Variants in NRXN1 observed in about 807,000 individuals in gnomAD.
NRXN1 encodes the protein neurexin-1.
In NRXN1, 39 loss-of-function variants were observed where a neutral mutation model predicts 150.9. The ratio of observed to expected loss-of-function variants is 0.26; its 90% CI spans 0.20 to 0.34. The LOEUF is 0.34. Among genes scored for constraint, NRXN1 ranks in the 10% least tolerant of loss-of-function variants. NRXN1 has a pLI of 1.00. For missense variants in NRXN1, 1,815 were observed against 1,949.9 expected, an observed-to-expected ratio of 0.93 and a Z score of 1.30; for synonymous variants, 924 against 757.0, an observed-to-expected ratio of 1.22 and a Z score of -3.62.
intron 17 of NRXN1, among the ~76,000 whole-genome samples, chr2:50,303,609 G>C (rs1022525680): frequency 6.6e-6 from 1 of 152,006 alleles, no homozygotes; most frequent in African/African-American, 2.4e-5. Flanking sequence ...AATATTCTCT[G>C]TAAACCTTTC....
At chr2:50,277,340 A>C (rs2070640491) in intron 17 of NRXN1, among the ~76,000 whole-genome samples, 1 of 102,690 alleles carries the variant, frequency 9.7e-6, no homozygotes, top group Non-Finnish European at 2.2e-5. Context: ...TAACAATGTG[A>C]GCAGTTGACA....
chr2:50,292,287 C>G (rs868601299), intron 17 of NRXN1, among the ~76,000 whole-genome samples: 1 of 152,158 alleles, frequency 6.6e-6, no homozygotes, highest in Non-Finnish European at 1.5e-5. Context: ...CACACCCATT[C>G]ATTTAAATAT....
At chr2:50,086,849 A>C (rs961282387) in intron 19 of NRXN1, among the ~76,000 whole-genome samples, 3 of 141,040 alleles carry the variant, frequency 2.1e-5, no homozygotes, top group South Asian at 2.2e-4. Flanking sequence ...AGAGAGAGAG[A>C]GCGAGCCGAA....
intron 5 of NRXN1, chr2:50,656,223 T>C: frequency 3.6e-6 from 2 of 554,196 alleles, no homozygotes; most frequent in Non-Finnish European, 6.6e-6. Flanking sequence ...CAAAGTGATC[T>C]TTTTTAAACT....
At chr2:50,382,612 G>C (rs1490898807) in intron 17 of NRXN1, among the ~76,000 whole-genome samples, 3 of 152,124 alleles carry the variant, frequency 2.0e-5, no homozygotes, top group African/African-American at 4.8e-5. Context: ...CCTATGGCCA[G>C]GAAGCTTCTC....
chr2:50,183,758 G>A (rs933942066), intron 18 of NRXN1, among the ~76,000 whole-genome samples: 9 of 150,950 alleles, frequency 6.0e-5, no homozygotes, highest in African/African-American at 2.2e-4. Flanking sequence ...GGATTATTTG[G>A]CTCAACATGT....
intron 17 of NRXN1, among the ~76,000 whole-genome samples, chr2:50,432,903 C>G (rs2085094094): frequency 6.6e-6 from 1 of 152,152 alleles, no homozygotes. Flanking sequence ...TTTGTTTATA[C>G]AGTGAAGGCT....
At chr2:50,461,530 A>G (rs1203608962) in intron 17 of NRXN1, among the ~76,000 whole-genome samples, 1 of 152,014 alleles carries the variant, frequency 6.6e-6, no homozygotes, top group Non-Finnish European at 1.5e-5. Context: ...ACTGGGTAAA[A>G]GGAGAAAAGG....
chr2:50,948,783 G>T (rs993728093), intron 2 of NRXN1, among the ~76,000 whole-genome samples: 1 of 151,984 alleles, frequency 6.6e-6, no homozygotes, highest in Non-Finnish European at 1.5e-5. Flanking sequence ...ATACCACACT[G>T]CATAGAGCTT....
At chr2:50,862,308 A>G (rs1023863131) in intron 5 of NRXN1, among the ~76,000 whole-genome samples, 2 of 152,084 alleles carry the variant, frequency 1.3e-5, no homozygotes, top group African/African-American at 4.8e-5. Flanking sequence ...CAGTGGTATC[A>G]TAAATTTATT....
intron 5 of NRXN1, among the ~76,000 whole-genome samples, chr2:50,803,265 G>A (rs1707865356): frequency 6.6e-6 from 1 of 152,094 alleles, no homozygotes; most frequent in African/African-American, 2.4e-5. Context: ...TGAAGAAATT[G>A]TCTATGATGA....
chr2:50,705,573 G>A (rs1026542659), intron 5 of NRXN1, among the ~76,000 whole-genome samples: 1 of 152,094 alleles, frequency 6.6e-6, no homozygotes, highest in South Asian at 2.1e-4. Flanking sequence ...TTAGATTACT[G>A]GATAATCTCC....
intron 21 of NRXN1, among the ~76,000 whole-genome samples, chr2:50,041,691 A>G (rs952770709): frequency 6.6e-6 from 1 of 152,238 alleles, no homozygotes; most frequent in Non-Finnish European, 1.5e-5. Flanking sequence ...TCCTGTAGAG[A>G]ATTTAAAAAC....
intron 17 of NRXN1, among the ~76,000 whole-genome samples, chr2:50,312,473 T>G (rs928775064): frequency 3.3e-5 from 5 of 151,992 alleles, no homozygotes; most frequent in African/African-American, 1.2e-4. Context: ...TTACACATGT[T>G]CATAGAACCA....
At chr2:50,411,526 T>TGGGGAGTGCCTCTGCCCCACCGCCCC (rs1558684964) in intron 17 of NRXN1, among the ~76,000 whole-genome samples, 4 of 145,788 alleles carry the variant, frequency 2.7e-5, no homozygotes, top group African/African-American at 1.0e-4. Context: ...CCCACCGCCC[T>TGGGGAGTGCCTCTGCCCCACCGCCCC]GTCTGAGATG....
chr2:50,901,551 G>C (rs183300817), intron 5 of NRXN1, among the ~76,000 whole-genome samples: 2 of 152,138 alleles, frequency 1.3e-5, no homozygotes, highest in South Asian at 2.1e-4. Context: ...AAAAAAGAAA[G>C]AAAATAAAGA....
chr2:49,977,498 G>A (rs755592149), intron 21 of NRXN1, among the ~76,000 whole-genome samples: 32 of 152,224 alleles, frequency 2.1e-4, no homozygotes, highest in African/African-American at 7.0e-4. Flanking sequence ...CCTTCTTTCC[G>A]AAAGATTAAA....
intron 5 of NRXN1, among the ~76,000 whole-genome samples, chr2:50,714,037 G>A (rs1695545256): frequency 6.6e-6 from 1 of 152,072 alleles, no homozygotes; most frequent in Non-Finnish European, 1.5e-5. Context: ...CAATAAATAG[G>A]TATTAGGCTT....
At chr2:50,658,553 A>C (rs1686839263) in intron 5 of NRXN1, among the ~76,000 whole-genome samples, 1 of 151,442 alleles carries the variant, frequency 6.6e-6, no homozygotes, top group Non-Finnish European at 1.5e-5. Context: ...CTTCCTGGCA[A>C]TTTTTCTGCT....
Sources: allele counts gnomAD v4.1 joint callset (sites outside exome capture counted in the v4.1 genomes callset), GRCh38; gene constraint gnomAD v4.1.1; transcripts MANE v1.5; gene names NCBI Gene and HGNC (gene_info 2026-07-23, HGNC 2026-07-21).